GPM6A: variants seen among roughly 807,000 people sequenced by gnomAD.
GPM6A encodes the protein neuronal membrane glycoprotein M6-a.
In GPM6A, 7 loss-of-function variants were observed where a neutral mutation model predicts 32.1. That is an observed-to-expected ratio of 0.22 (90% confidence interval 0.12 to 0.41). The LOEUF is 0.41. Among genes scored for constraint, GPM6A ranks in the 10% least tolerant of loss-of-function variants. The pLI is 1.00. For synonymous variants in GPM6A, 130 were observed against 123.4 expected (o/e 1.05, Z -0.35); for missense variants, 235 against 347.2 (o/e 0.68, Z 2.57).
At chr4:175,837,968 C>T (rs1015556867) in intron 1 of GPM6A, among the ~76,000 whole-genome samples, 1 of 151,918 alleles carries the variant, frequency 6.6e-6, no homozygotes, top group South Asian at 2.1e-4. Context: ...TGAATAAAAT[C>T]TGCTTTTAAC....
chr4:175,752,882 G>A (rs1421458892), intron 1 of GPM6A, among the ~76,000 whole-genome samples: 1 of 152,184 alleles, frequency 6.6e-6, no homozygotes, highest in Non-Finnish European at 1.5e-5. Flanking sequence ...TCTGCAGAGA[G>A]TGAGACGACT....
At chr4:175,674,511 C>T (rs1007689641) in intron 2 of GPM6A, among the ~76,000 whole-genome samples, 2 of 152,126 alleles carry the variant, frequency 1.3e-5, no homozygotes, top group Non-Finnish European at 2.9e-5. Context: ...CATATGATTT[C>T]TCTAATTAGG....
At chr4:175,983,439 A>T (rs904737596) in intron 1 of GPM6A, among the ~76,000 whole-genome samples, 12 of 152,166 alleles carry the variant, frequency 7.9e-5, no homozygotes, top group African/African-American at 2.9e-4. Flanking sequence ...ATGTCCTTTA[A>T]CAGGTTAAGG....
At chr4:175,873,428 C>T (rs1736975349) in intron 1 of GPM6A, among the ~76,000 whole-genome samples, 1 of 152,018 alleles carries the variant, frequency 6.6e-6, no homozygotes, top group Admixed American at 6.6e-5. Context: ...CAGATGTTCA[C>T]ACTTTAAAAA....
At chr4:175,638,125 T>C (rs1334756895) in intron 6 of GPM6A, among the ~76,000 whole-genome samples, 5 of 150,374 alleles carry the variant, frequency 3.3e-5, no homozygotes, top group African/African-American at 9.7e-5. Context: ...CTACAAATAA[T>C]GGAGTAGAGT....
intron 2 of GPM6A, among the ~76,000 whole-genome samples, chr4:175,696,596 A>G (rs778588341): frequency 1.3e-5 from 2 of 152,006 alleles, no homozygotes; most frequent in Non-Finnish European, 2.9e-5. Flanking sequence ...ATTATGTTTG[A>G]CTCCCCAAGA....
At chr4:175,788,068 ACCTC>A (rs1733868693) in intron 1 of GPM6A, 1 of 151,844 alleles carries the variant, frequency 6.6e-6, no homozygotes, top group Non-Finnish European at 1.5e-5. Context: ...TTTTGCTAGC[ACCTC>A]GCTTCTCCAC....
In GPM6A at chr4:175,970,876, G is replaced by A. The variant is rs1436030641; in HGVS notation, c.-23+31433C>T. The A allele has an allele frequency of 9.9e-5, 45 of 455,964 alleles. No individual in the cohort carries two copies. In the Admixed American group the frequency reaches 1.1e-3, roughly 11 times the overall value. 28.2% of individuals were successfully genotyped at this position (455,964 alleles called of 1,614,324 possible). On this transcript the variant is annotated intron_variant, in intron 1 of 7. Coordinates refer to the GPM6A transcript ENST00000280187. The stretch of plus-strand genomic sequence containing the variant: ...TTGTTAGATCCACTGCTCTTACCAA[G>A]TGTAGGCATCACTCGATACCGACAG...
At chr4:175,710,886 C>T (rs1745489470) in intron 1 of GPM6A, among the ~76,000 whole-genome samples, 5 of 152,126 alleles carry the variant, frequency 3.3e-5, no homozygotes, top group Admixed American at 3.3e-4. Flanking sequence ...TCCAACTTGA[C>T]CTCCAGTCTC....
intron 1 of GPM6A, chr4:175,970,935 G>A (rs1740482923): frequency 2.2e-6 from 1 of 455,938 alleles, no homozygotes; most frequent in African/African-American, 2.0e-5. Context: ...AACACAGGGT[G>A]CGGTACAGAG....
intron 1 of GPM6A, among the ~76,000 whole-genome samples, chr4:176,001,258 A>AG (rs1041988751): frequency 2.0e-5 from 3 of 152,112 alleles, no homozygotes; most frequent in Non-Finnish European, 2.9e-5. Flanking sequence ...GGGAGAAGCA[A>AG]GGGGGAGGGG....
At chr4:175,720,412 T>C (rs943047216) in intron 1 of GPM6A, among the ~76,000 whole-genome samples, 3 of 152,146 alleles carry the variant, frequency 2.0e-5, no homozygotes, top group Admixed American at 1.3e-4. Context: ...ATAAGAATAC[T>C]GCAAAATAGA....
chr4:175,966,682 T>C (rs1740344906), intron 1 of GPM6A, among the ~76,000 whole-genome samples: 1 of 151,996 alleles, frequency 6.6e-6, no homozygotes, highest in Non-Finnish European at 1.5e-5. Context: ...CATGCTGGCA[T>C]CCTGATTTAG....
intron 1 of GPM6A, among the ~76,000 whole-genome samples, chr4:175,826,185 T>C (rs1448140478): frequency 6.6e-6 from 1 of 151,364 alleles, no homozygotes; most frequent in Admixed American, 6.6e-5. Context: ...ACAAAAAAAC[T>C]GTCTCTTATC....
intron 1 of GPM6A, among the ~76,000 whole-genome samples, chr4:175,963,743 C>T (rs1740242067): frequency 2.0e-5 from 3 of 151,966 alleles, no homozygotes; most frequent in African/African-American, 7.2e-5. Flanking sequence ...ATTTTTCTTA[C>T]TTTTAATTGA....
rs1001692369 is a variant in GPM6A at position 175,762,798 on chromosome 4, C to T, written c.37+49393G>A. On this transcript the variant is annotated intron_variant, in intron 1 of 6. Transcript: ENST00000393658. ...TCCCCACAACCCCCAGGGTGAGTGT[C>T]TAATTCAGACACTAAGAAAAACAGA... 5.9e-5 allele frequency among the ~76,000 whole-genome samples: 9 copies of T among 152,140 alleles called. No homozygotes were observed. In the South Asian group the frequency reaches 1.9e-3, roughly 32 times the overall value.
intron 1 of GPM6A, among the ~76,000 whole-genome samples, chr4:175,757,857 A>C (rs2111202168): frequency 6.6e-6 from 1 of 152,348 alleles, no homozygotes; most frequent in Non-Finnish European, 1.5e-5. Context: ...AACCCGAATA[A>C]GTATAAAAAT....
chr4:175,928,384 GA>G (rs1180501701), intron 1 of GPM6A, among the ~76,000 whole-genome samples: 1 of 152,130 alleles, frequency 6.6e-6, no homozygotes, highest in Non-Finnish European at 1.5e-5. Flanking sequence ...CTTTACCTGG[GA>G]AAATTATCTA....
intron 1 of GPM6A, among the ~76,000 whole-genome samples, chr4:175,851,470 G>A (rs1276744070): frequency 6.7e-6 from 1 of 149,084 alleles, no homozygotes; most frequent in African/African-American, 2.5e-5. Flanking sequence ...GGGTGACAGG[G>A]TGAGACTCCG....
Sources: allele counts gnomAD v4.1 joint callset (sites outside exome capture counted in the v4.1 genomes callset), GRCh38; gene constraint gnomAD v4.1.1; transcripts MANE v1.5; gene names NCBI Gene and HGNC (gene_info 2026-07-23, HGNC 2026-07-21).